The following RASSF3 variants were observed in gnomAD, a reference collection of about 807,000 sequenced individuals.
RASSF3 encodes the protein Ras association domain family member 3, also known as ras association domain-containing protein 3.
Under a neutral mutation model 19.9 loss-of-function variants are expected in RASSF3, and 19 were observed. That is an observed-to-expected ratio of 0.96 (90% CI 0.67 to 1.40). RASSF3 has a LOEUF of 1.40. Among genes scored for constraint, RASSF3 ranks in the 40% most tolerant of loss-of-function variants. RASSF3 has a pLI of 0.00. For synonymous variants in RASSF3, 110 were observed against 104.2 expected (o/e 1.06, Z -0.34); for missense variants, 306 against 289.8 (o/e 1.06, Z -0.41).
At chr12:64,608,083 T>TA (rs530950637), upstream of RASSF3, among the ~76,000 whole-genome samples, 488 of 152,110 alleles carry the variant, frequency 3.2e-3, 6 homozygotes, top group African/African-American at 0.011. Context: ...CATGCCTTTA[T>TA]AAAAAAATCA....
chr12:64,565,317 C>T (rs1869411157), intron 2 of RASSF3, among the ~76,000 whole-genome samples: 1 of 152,100 alleles, frequency 6.6e-6, no homozygotes, highest in Admixed American at 6.6e-5. Context: ...TGGCTCATGC[C>T]TGTAATCCCA....
At chr12:64,571,090 C>T (rs915874829) in intron 2 of RASSF3, among the ~76,000 whole-genome samples, 1 of 151,912 alleles carries the variant, frequency 6.6e-6, no homozygotes, top group African/African-American at 2.4e-5. Flanking sequence ...TGGTCGCGGG[C>T]GCCTGTAATC....
At chr12:64,604,794 T>C (rs1870158428) in intron 2 of RASSF3, among the ~76,000 whole-genome samples, 1 of 151,536 alleles carries the variant, frequency 6.6e-6, no homozygotes, top group Non-Finnish European at 1.5e-5. Context: ...CCCGCCACCG[T>C]GCCCAGCTAA....
intron 2 of RASSF3, among the ~76,000 whole-genome samples, chr12:64,685,684 C>T (rs984156098): frequency 1.3e-5 from 2 of 152,228 alleles, no homozygotes; most frequent in South Asian, 2.1e-4. Context: ...GTTTCTTCCA[C>T]GTCGCTGTCG....
intron 1 of RASSF3, among the ~76,000 whole-genome samples, chr12:64,648,802 A>ATTTTT (rs60003798): frequency 0.3 from 31,534 of 104,720 alleles, 6,026 homozygotes; most frequent in South Asian, 0.43. Flanking sequence ...TTTTACATTG[A>ATTTTT]TTTTTTTTTT....
intron 1 of RASSF3, among the ~76,000 whole-genome samples, chr12:64,632,811 A>C (rs769472824): frequency 2.0e-5 from 3 of 152,188 alleles, no homozygotes; most frequent in African/African-American, 4.8e-5. Flanking sequence ...TGAGATCATC[A>C]TCCTTGAATT....
At chr12:64,677,451 G>GT (rs1351653948) in intron 1 of RASSF3, among the ~76,000 whole-genome samples, 1 of 151,328 alleles carries the variant, frequency 6.6e-6, no homozygotes, top group Non-Finnish European at 1.5e-5. Flanking sequence ...TTTTTTGTTT[G>GT]TTTTTTTAGA....
intron 1 of RASSF3, among the ~76,000 whole-genome samples, chr12:64,525,162 G>A (rs567131235): frequency 1.3e-5 from 2 of 152,264 alleles, no homozygotes; most frequent in African/African-American, 4.8e-5. Flanking sequence ...TGTCACCCCA[G>A]CTACTCGGGA....
intron 2 of RASSF3, among the ~76,000 whole-genome samples, chr12:64,595,267 C>A (rs1446330509): frequency 1.3e-5 from 2 of 151,854 alleles, no homozygotes; most frequent in Non-Finnish European, 2.9e-5. Context: ...GGGGTTTCAC[C>A]ATGTTGGCCA....
At chr12:64,674,476 G>A (rs1045190303) in intron 1 of RASSF3, among the ~76,000 whole-genome samples, 3 of 152,184 alleles carry the variant, frequency 2.0e-5, no homozygotes, top group African/African-American at 7.2e-5. Flanking sequence ...AACACTTTGG[G>A]AGGCCGAGGT....
chr12:64,664,513 A>G (rs1872483460), intron 1 of RASSF3, among the ~76,000 whole-genome samples: 1 of 152,154 alleles, frequency 6.6e-6, no homozygotes, highest in Non-Finnish European at 1.5e-5. Context: ...TGGCCCTGGT[A>G]TATGTTTTAA....
intron 1 of RASSF3, among the ~76,000 whole-genome samples, chr12:64,622,216 ATT>A (rs35037944): frequency 0.18 from 24,373 of 134,286 alleles, 2,141 homozygotes; most frequent in South Asian, 0.26. Flanking sequence ...ATGTCCAGCT[ATT>A]TTTTTTTTTT....
At chr12:64,684,757 C>G (rs1395284839) in intron 1 of RASSF3, 30 bp from the exon 2 acceptor site, 1 of 1,474,148 alleles carries the variant, frequency 6.8e-7, no homozygotes, top group Non-Finnish European at 9.5e-7. Flanking sequence ...TATGATTGCT[C>G]ACATGTGACA....
At chr12:64,664,955 C>T (rs904380402) in intron 1 of RASSF3, among the ~76,000 whole-genome samples, 14 of 152,154 alleles carry the variant, frequency 9.2e-5, no homozygotes, top group South Asian at 2.1e-4. Context: ...ATATAGTATT[C>T]GTACCTCAGT....
chr12:64,520,169 CT>C (rs34152736), intron 1 of RASSF3, among the ~76,000 whole-genome samples: 25,650 of 134,702 alleles, frequency 0.19, 2,712 homozygotes, highest in African/African-American at 0.36. Context: ...TCATTTCTGA[CT>C]TTTTTTTTTT....
chr12:64,617,867 G>A (rs572077808), intron 1 of RASSF3, among the ~76,000 whole-genome samples: 1 of 152,226 alleles, frequency 6.6e-6, no homozygotes, highest in African/African-American at 2.4e-5. Flanking sequence ...CTATACATCT[G>A]TTTAGATGGG....
At chr12:64,600,003 G>T (rs2620724) in intron 2 of RASSF3, among the ~76,000 whole-genome samples, 2,145 of 130,762 alleles carry the variant, frequency 0.016, 28 homozygotes, top group Middle Eastern at 0.03. Context: ...CTGCACCCCA[G>T]CCTGGGCGAG....
intron 1 of RASSF3, chr12:64,622,492 G>A (rs367958201): frequency 6.0e-5 from 32 of 530,876 alleles, no homozygotes; most frequent in Admixed American, 3.3e-4. Context: ...GAAAAATTGC[G>A]ATGAGAAAGG....
intron 1 of RASSF3, among the ~76,000 whole-genome samples, chr12:64,640,121 T>C (rs1416286090): frequency 6.6e-6 from 1 of 152,194 alleles, no homozygotes; most frequent in Non-Finnish European, 1.5e-5. Flanking sequence ...GTGGACCATG[T>C]TACTTTTATT....
Sources: gnomAD v4.1 joint callset for allele counts (sites outside exome capture counted in the v4.1 genomes callset) on GRCh38, gnomAD v4.1.1 for gene constraint, MANE v1.5 for transcripts, NCBI Gene and HGNC (gene_info 2026-07-23, HGNC 2026-07-21) for gene names.